Variants in PKP4 observed in about 807,000 individuals in gnomAD.
PKP4 encodes the protein plakophilin 4, also known as plakophilin-4.
Under a neutral mutation model 145.1 loss-of-function variants are expected in PKP4, and 90 were observed. The ratio of observed to expected loss-of-function variants is 0.62; its 90% confidence interval spans 0.52 to 0.74. The LOEUF (loss-of-function observed/expected upper bound fraction) is 0.74. Ranked by LOEUF, PKP4 falls within the 30% of genes least tolerant of loss-of-function variation. The probability of loss-of-function intolerance (pLI) is 0.00; values close to 1 mark genes in which losing one functional copy is unlikely to be tolerated. For synonymous variants in PKP4, 563 were observed against 577.2 expected (o/e 0.98, Z 0.35); for missense variants, 1,340 against 1,482.7 (o/e 0.90, Z 1.58).
rs2056752178 is a variant in PKP4 at position 158,663,029 on chromosome 2, G to C, written c.2344G>C (p.Glu782Gln). 2 of 1,613,864 alleles carry C rather than the reference G, an allele frequency of 1.2e-6. No homozygotes were observed. The highest frequency in any genetic ancestry group is 1.7e-5 in the Admixed American group (1 of 59,966). ...LGKESPSKDS[E>Q]PSCWGKKKKK... ...AAAAGAGTCTCCCAGCAAAGACTCTGAGCCAAGTTGCTGGGGGAAGAAGAA... is the reference window on the plus strand; with the variant it reads ...AAAAGAGTCTCCCAGCAAAGACTCTCAGCCAAGTTGCTGGGGGAAGAAGAA... Residue 782 changes from glutamate to glutamine, a missense_variant, in exon 14 of 22, where the codon GAG (glutamate) becomes CAG (glutamine). Physicochemically the swap from Glu to Gln is conservative, Grantham distance 29. Transcript: ENST00000389759.
At chr2:158,532,344 A>G (rs1574333765) in intron 1 of PKP4, among the ~76,000 whole-genome samples, 1 of 152,228 alleles carries the variant, frequency 6.6e-6, no homozygotes, top group East Asian at 1.9e-4. Context: ...GACTGAAAAT[A>G]TATCATCCTT....
At chr2:158,511,879 G>A (rs2041548568) in intron 1 of PKP4, among the ~76,000 whole-genome samples, 1 of 151,864 alleles carries the variant, frequency 6.6e-6, no homozygotes, top group Admixed American at 6.6e-5. Context: ...CAGCCCATTG[G>A]GTGTTTAAGA....
intron 1 of PKP4, among the ~76,000 whole-genome samples, chr2:158,491,892 C>T (rs940151010): frequency 2.8e-5 from 4 of 143,488 alleles, no homozygotes; most frequent in Admixed American, 6.9e-5. Context: ...ACCTCCCAGG[C>T]TCAAGCAGCC....
chr2:158,676,628 G>A (rs1476237972), intron 19 of PKP4, 111 bp from the exon 20 acceptor site: 8 of 1,277,482 alleles, frequency 6.3e-6, no homozygotes, highest in South Asian at 1.2e-5. Context: ...CACCAGCTGT[G>A]TGTCATTTCT....
chr2:158,561,418 A>G (rs1433732299), intron 2 of PKP4, among the ~76,000 whole-genome samples: 1 of 152,210 alleles, frequency 6.6e-6, no homozygotes, highest in Non-Finnish European at 1.5e-5. Context: ...GCAGCCAGCA[A>G]TGCAGATGGT....
intron 9 of PKP4, among the ~76,000 whole-genome samples, chr2:158,635,481 A>G (rs1180099130): frequency 6.6e-6 from 1 of 152,182 alleles, no homozygotes; most frequent in African/African-American, 2.4e-5. Flanking sequence ...ACCCAAATAG[A>G]TGCAGAAATT....
intron 1 of PKP4, among the ~76,000 whole-genome samples, chr2:158,470,962 T>G (rs994120899): frequency 6.6e-6 from 1 of 152,068 alleles, no homozygotes; most frequent in Non-Finnish European, 1.5e-5. Flanking sequence ...CCATTGAGAA[T>G]GAAAATTTCT....
At chr2:158,529,760 A>G (rs1162878458) in intron 1 of PKP4, among the ~76,000 whole-genome samples, 4 of 152,216 alleles carry the variant, frequency 2.6e-5, no homozygotes, top group Admixed American at 2.6e-4. Context: ...ACCTAAATAC[A>G]GGACCTTGTA....
intron 16 of PKP4, among the ~76,000 whole-genome samples, chr2:158,667,308 G>A (rs2057188118): frequency 6.6e-6 from 1 of 152,120 alleles, no homozygotes; most frequent in Non-Finnish European, 1.5e-5. Flanking sequence ...CATGCAACCT[G>A]GGGTATCCTA....
intron 4 of PKP4, among the ~76,000 whole-genome samples, chr2:158,603,411 T>C (rs1343775222): frequency 6.6e-6 from 1 of 152,156 alleles, no homozygotes; most frequent in Non-Finnish European, 1.5e-5. Flanking sequence ...TATTACGTAA[T>C]CAAGAAAGCT....
chr2:158,658,016 C>G (rs917890282), intron 11 of PKP4, 115 bp from the exon 12 acceptor site: 5 of 669,742 alleles, frequency 7.5e-6, no homozygotes, highest in Non-Finnish European at 1.0e-5. Flanking sequence ...CAAATATAGG[C>G]CATAGATTAG....
intron 3 of PKP4, among the ~76,000 whole-genome samples, chr2:158,596,669 C>A: frequency 6.7e-6 from 1 of 150,160 alleles, no homozygotes. Context: ...TTGTAAAAAA[C>A]TATGGTGTGA....
intron 1 of PKP4, among the ~76,000 whole-genome samples, chr2:158,462,829 A>G (rs1689974377): frequency 6.6e-6 from 1 of 152,188 alleles, no homozygotes; most frequent in African/African-American, 2.4e-5. Context: ...GGAGTGATAA[A>G]AGTACCCACT....
intron 3 of PKP4, among the ~76,000 whole-genome samples, chr2:158,595,216 A>G (rs895575963): frequency 7.9e-5 from 12 of 152,188 alleles, no homozygotes; most frequent in African/African-American, 2.7e-4. Context: ...ACAGTTACCT[A>G]TTAGTAAGTG....
At chr2:158,485,946 TAGC>T (rs1195759639) in intron 1 of PKP4, among the ~76,000 whole-genome samples, 1 of 152,186 alleles carries the variant, frequency 6.6e-6, no homozygotes, top group African/African-American at 2.4e-5. Flanking sequence ...ACCTTTTAAA[TAGC>T]AGTTGTTACC....
chr2:158,629,273 C>T (rs774274559), intron 7 of PKP4, among the ~76,000 whole-genome samples: 62 of 152,244 alleles, frequency 4.1e-4, no homozygotes, highest in Non-Finnish European at 6.6e-4. Flanking sequence ...CAGACTTTTC[C>T]TCACCATGTG....
At chr2:158,634,766 C>G (rs2053667368) in intron 9 of PKP4, among the ~76,000 whole-genome samples, 1 of 152,156 alleles carries the variant, frequency 6.6e-6, no homozygotes. Flanking sequence ...TAACCAGGTC[C>G]TTTGAAAACA....
chr2:158,559,014 A>G (rs796574954), intron 2 of PKP4, among the ~76,000 whole-genome samples: 19 of 152,304 alleles, frequency 1.2e-4, no homozygotes, highest in African/African-American at 4.3e-4. Context: ...CCTGGTATGT[A>G]GGATGTTGGG....
intron 9 of PKP4, among the ~76,000 whole-genome samples, chr2:158,637,998 G>C (rs892049232): frequency 1.1e-4 from 16 of 152,286 alleles, no homozygotes; most frequent in African/African-American, 3.8e-4. Flanking sequence ...ATGGCACCGG[G>C]GATGTCAGGA....
Sources: allele counts gnomAD v4.1 joint callset (sites outside exome capture counted in the v4.1 genomes callset), GRCh38; gene constraint gnomAD v4.1.1; transcripts MANE v1.5; gene names NCBI Gene and HGNC (gene_info 2026-07-23, HGNC 2026-07-21).